The following SMOX variants were observed in gnomAD, a reference collection of about 807,000 sequenced individuals.
SMOX encodes the protein flavin containing amine oxidase.
SMOX carries 22 observed loss-of-function variants against 51.0 expected under a neutral mutation model. The ratio of observed to expected loss-of-function variants is 0.43; its 90% CI spans 0.31 to 0.62. The LOEUF (loss-of-function observed/expected upper bound fraction) is 0.62. Ranked by LOEUF, SMOX falls within the 20% of genes least tolerant of loss-of-function variation. The pLI, the probability that SMOX is intolerant of heterozygous loss-of-function variation, is 0.10. For missense variants in SMOX, 566 were observed against 777.7 expected (o/e 0.73, Z 3.24); for synonymous variants, 282 against 307.8 (o/e 0.92, Z 0.88).
rs540155719 is a variant in SMOX, at chr20:4,181,364, C to T, written c.436-439C>T. ...CAGCTCCAGACTGCCCTCTTGGGAG[C>T]GGGCAAAGCAGACACACTTGGGCAG... On this transcript the variant is annotated intron_variant, in intron 3 of 6. Transcript: ENST00000305958. This position sits in a 1 kb window ranked among gnomAD's most constrained non-coding sequence, Gnocchi z 5.6. Among the ~76,000 whole-genome samples the T allele has an allele frequency of 1.4e-4, 22 of 152,264 alleles. No homozygotes were observed. The East Asian group carries it at 2.5e-3, about 17-fold the overall frequency.
At chr20:4,175,412 G>T in intron 2 of SMOX, 149 bp downstream of exon 2, 1 of 930,392 alleles carries the variant, frequency 1.1e-6, no homozygotes. Flanking sequence ...AGCTTCCTTC[G>T]CTCCTCGTGG....
At chr20:4,169,498 T>C (rs1030036998) in intron 1 of SMOX, among the ~76,000 whole-genome samples, 21 of 152,156 alleles carry the variant, frequency 1.4e-4, no homozygotes, top group Admixed American at 1.4e-3. Context: ...GCTGGGTGAT[T>C]GATTCCACTG....
chr20:4,149,737 C>T lies in SMOX; in HGVS notation c.-27+760C>T, dbSNP rs1985636945. ...GGAGCTTGCGCCAGGGGGACTTGGC[C>T]CGATGAGATACGCTCGGTGCCCGGC... On this transcript the variant is annotated intron_variant, in intron 1 of 6. Transcript: ENST00000305958. The surrounding 1 kb of genome is among the most constrained non-coding windows in gnomAD (Gnocchi z 6.0). 6.6e-6 allele frequency among the ~76,000 whole-genome samples: 1 copy of T among 152,132 alleles called. No individual in the cohort carries two copies. Among genetic ancestry groups the T allele is most frequent in the African/African-American group, 2.4e-5 (1 of 41,434 alleles).
In SMOX at chr20:4,165,752, CAG is replaced by C. The variant is rs1353074331; in HGVS notation, c.-26-9276_-26-9275del. Among the ~76,000 whole-genome samples the C allele has an allele frequency of 8.5e-5, 13 of 152,308 alleles. 1 individual carries two copies. The East Asian group carries it at 2.5e-3, about 29-fold the overall frequency. On this transcript the variant is annotated intron_variant, in intron 1 of 6. Transcript: ENST00000305958. ...GGGGAAAATGAGGTTCAAGTGCTAA[CAG>C]ACTCTCCCAAGGCCACACTGGTTAG...
intron 1 of SMOX, among the ~76,000 whole-genome samples, chr20:4,168,937 T>TTTATG (rs1246504662): frequency 2.0e-5 from 2 of 102,006 alleles, no homozygotes; most frequent in African/African-American, 8.3e-5. Context: ...TTTATTTTAT[T>TTTATG]TTATTTTATT....
intron 6 of SMOX, among the ~76,000 whole-genome samples, chr20:4,185,333 G>A (rs1979649485): frequency 6.6e-6 from 1 of 152,160 alleles, no homozygotes; most frequent in Non-Finnish European, 1.5e-5. Context: ...GCTCCTTGGT[G>A]GTGGGATTAC....
intron 1 of SMOX, among the ~76,000 whole-genome samples, chr20:4,162,105 C>G (rs1986358439): frequency 6.6e-6 from 1 of 152,214 alleles, no homozygotes; most frequent in Admixed American, 6.5e-5. Flanking sequence ...CTGCCCTTCC[C>G]CAGGGTGCCT....
At chr20:4,159,186 A>G (rs999191810) in intron 1 of SMOX, among the ~76,000 whole-genome samples, 6 of 152,062 alleles carry the variant, frequency 3.9e-5, no homozygotes, top group Admixed American at 1.3e-4. Context: ...ATCTTGGCTC[A>G]CTGCAACCTC....
rs555431725 is a variant in SMOX at position 4,149,720 on chromosome 20, C to G, written c.-27+743C>G. 6.6e-6 allele frequency among the ~76,000 whole-genome samples: 1 copy of G among 152,268 alleles called. No homozygotes were observed. Among genetic ancestry groups the G allele is most frequent in the East Asian group, 1.9e-4 (1 of 5,172 alleles). The stretch of plus-strand genomic sequence containing the variant: ...GCAGTTGAGGGGCCCGCGGAGCTTG[C>G]GCCAGGGGGACTTGGCCCGATGAGA... On this transcript the variant is annotated intron_variant, in intron 1 of 6. Transcript: ENST00000305958. This position sits in a 1 kb window ranked among gnomAD's most constrained non-coding sequence, Gnocchi z 6.0.
Position 4,182,201 on chromosome 20 carries a change from G to C in SMOX, c.722G>C (p.Arg241Pro). 1.9e-6 allele frequency: 3 copies of C among 1,613,628 alleles called. No individual in the cohort carries two copies. The highest frequency in any genetic ancestry group is 2.5e-6 in the Non-Finnish European group (3 of 1,179,990). Reference sequence around the variant, plus strand: ...CACATCATCCCCTCGGGCTTCATGCGGGTTGTGGAGCTGCTGGCGGAGGGC... The same window carrying C: ...CACATCATCCCCTCGGGCTTCATGCCGGTTGTGGAGCTGCTGGCGGAGGGC... ...AHHIIPSGFMRVVELLAEGIP... is the reference protein window; with the variant it reads ...AHHIIPSGFMPVVELLAEGIP... The change falls in exon 5 of 7, where the codon CGG becomes CCG. Residue 241 changes from arginine to proline, a missense_variant. By Grantham distance (103) the Arg-to-Pro change is moderately radical (BLOSUM62 -2). Transcript: ENST00000305958. The surrounding 1 kb of genome is among the most constrained non-coding windows in gnomAD (Gnocchi z 8.4).
chr20:4,178,831 G>A (rs1426754277), intron 3 of SMOX, among the ~76,000 whole-genome samples: 1 of 152,060 alleles, frequency 6.6e-6, no homozygotes, highest in Non-Finnish European at 1.5e-5. Flanking sequence ...TTACAGGCAT[G>A]TACCACCATG....
chr20:4,153,264 C>CA lies in SMOX; in HGVS notation c.-27+4288dup, dbSNP rs1985851485. Reference sequence around the variant, plus strand: ...TACCGCTTTCTGCCTGAGATGCCATCATTAGAATGTCACCCTTCTGGGTTT... The same window carrying CA: ...TACCGCTTTCTGCCTGAGATGCCATCAATTAGAATGTCACCCTTCTGGGTTT... On this transcript the variant is annotated intron_variant, in intron 1 of 6. Transcript: ENST00000305958. The surrounding 1 kb of genome is among the most constrained non-coding windows in gnomAD (Gnocchi z 4.4). Among the ~76,000 whole-genome samples, 1 of 152,204 alleles carries CA rather than the reference C, an allele frequency of 6.6e-6. No homozygotes were observed. The highest frequency in any genetic ancestry group is 2.4e-5 in the African/African-American group (1 of 41,454).
chr20:4,179,878 G>A (rs1979190774), intron 3 of SMOX, among the ~76,000 whole-genome samples: 1 of 152,152 alleles, frequency 6.6e-6, no homozygotes, highest in Non-Finnish European at 1.5e-5. Flanking sequence ...GATTTTCCTT[G>A]GGTCACATTG....
rs567091184 is a variant in SMOX at position 4,162,160 on chromosome 20, C to T, written c.-26-12870C>T. On this transcript the variant is annotated intron_variant, in intron 1 of 6. Transcript: ENST00000305958. Reference sequence around the variant, plus strand: ...GCTGACTTGCCCAGGAAGCGCAGGGCGGCCCGGGTGGGGCTGGGGCAGGCC... The same window carrying T: ...GCTGACTTGCCCAGGAAGCGCAGGGTGGCCCGGGTGGGGCTGGGGCAGGCC... Among the ~76,000 whole-genome samples the T allele has an allele frequency of 1.6e-4, 24 of 152,336 alleles. No individual in the cohort carries two copies. In the East Asian group the frequency reaches 2.7e-3, roughly 17 times the overall value.
At chr20:4,185,164 T>G (rs1979637677) in intron 6 of SMOX, among the ~76,000 whole-genome samples, 1 of 152,232 alleles carries the variant, frequency 6.6e-6, no homozygotes, top group African/African-American at 2.4e-5. Context: ...TGGACCCAGT[T>G]AAAAATCAGG....
Position 4,187,580 on chromosome 20 carries a change from TG to T in SMOX, c.*176del. 1 of 972,658 alleles carries T rather than the reference TG, an allele frequency of 1.0e-6. No individual in the cohort carries two copies. The highest frequency in any genetic ancestry group is 1.5e-6 in the Non-Finnish European group (1 of 682,334). 60.3% of individuals were successfully genotyped at this position (972,658 alleles called of 1,614,324 possible). On this transcript the variant is annotated 3_prime_UTR_variant, in exon 7 of 7. Coordinates refer to ENST00000305958, the MANE Select transcript of SMOX (RefSeq NM_175839.3). The surrounding 1 kb of genome is among the most constrained non-coding windows in gnomAD (Gnocchi z 4.8). ...CTGTAGCTTTTCTTTTTCTCCAGGC[TG>T]GGCCGTGAGCAGGTGGGCCGTTGAG...
rs938712497 is a variant in SMOX, at chr20:4,170,804, G to A, written c.-26-4226G>A. ...CTCTTGGGACACTTCAGTCAGGGTGGTGGTGGCTCTGGACAGCTGGGGGAG... is the reference window on the plus strand; with the variant it reads ...CTCTTGGGACACTTCAGTCAGGGTGATGGTGGCTCTGGACAGCTGGGGGAG... On this transcript the variant is annotated intron_variant, in intron 1 of 6. Transcript: ENST00000305958. This position sits in a 1 kb window ranked among gnomAD's most constrained non-coding sequence, Gnocchi z 4.6. 6.6e-6 allele frequency among the ~76,000 whole-genome samples: 1 copy of A among 152,170 alleles called. No homozygotes were observed. Among genetic ancestry groups the A allele is most frequent in the African/African-American group, 2.4e-5 (1 of 41,420 alleles).
intron 1 of SMOX, among the ~76,000 whole-genome samples, chr20:4,157,834 C>T (rs1425837196): frequency 6.6e-6 from 1 of 152,118 alleles, no homozygotes; most frequent in Non-Finnish European, 1.5e-5. Context: ...TGCCACACCT[C>T]CTTTCCTCTG....
At position 4,182,733 on chromosome 20, in the gene SMOX, G is replaced by T. The variant is rs1468243315; in HGVS notation, c.1254G>T (p.Glu418Asp). ...GCTTTGATGTCCTCTACCCGCCTGA[G>T]CGCTACGGCCATGTGCTGAGCGGCT... ...ICGFDVLYPP[E>D]RYGHVLSGWI... The change falls in exon 5 of 7, where the codon GAG becomes GAT. Residue 418 changes from glutamate (E) to aspartate (D), a missense_variant. Physicochemically the swap from Glu to Asp is conservative, Grantham distance 45 (BLOSUM62 2). Around this residue, in one of 3 missense-constraint regions of SMOX, gnomAD observed 347 missense variants for 481.8 expected, o/e 0.72. Coordinates refer to ENST00000305958, the MANE Select transcript of SMOX (RefSeq NM_175839.3). The surrounding 1 kb of genome is among the most constrained non-coding windows in gnomAD (Gnocchi z 8.4). 11 of 1,614,054 alleles carry T rather than the reference G, an allele frequency of 6.8e-6. No individual in the cohort carries two copies. Among genetic ancestry groups the T allele is most frequent in the Non-Finnish European group, 9.3e-6 (11 of 1,180,034 alleles).
Sources: allele counts gnomAD v4.1 joint callset (sites outside exome capture counted in the v4.1 genomes callset), GRCh38; gene constraint gnomAD v4.1.1; regional missense constraint gnomAD v4.1.1; non-coding constraint Gnocchi (gnomAD v3.1); transcripts MANE v1.5; gene names NCBI Gene and HGNC (gene_info 2026-07-23, HGNC 2026-07-21).